The following ALAD variants were observed in gnomAD, a reference collection of about 807,000 sequenced individuals.
ALAD encodes aminolevulinate dehydratase.
ALAD carries 20 observed loss-of-function variants against 44.4 expected under a neutral mutation model. The ratio of observed to expected loss-of-function variants is 0.45; its 90% CI spans 0.32 to 0.65. The LOEUF is 0.65. Ranked by LOEUF, ALAD falls within the 30% of genes least tolerant of loss-of-function variation. The pLI is 0.05. For synonymous variants in ALAD, 156 were observed against 167.9 expected, an observed-to-expected ratio of 0.93 and a Z score of 0.55; for missense variants, 323 against 445.7, an observed-to-expected ratio of 0.72 and a Z score of 2.48.
At position 113,388,035 on chromosome 9, in the gene ALAD, A is replaced by G. The variant is rs1048184206; in HGVS notation, c.*265T>C. ...TTTCAAGCTGAAGCCACACCAGAGGAAAGAGCTGAGGGTGGCAAAGGTGGG... is the reference window on the plus strand; with the variant it reads ...TTTCAAGCTGAAGCCACACCAGAGGGAAGAGCTGAGGGTGGCAAAGGTGGG... On this transcript the variant is annotated 3_prime_UTR_variant, in exon 12 of 12. Coordinates refer to ENST00000409155, the MANE Select transcript of ALAD (RefSeq NM_000031.6). 5.8e-6 allele frequency: 3 copies of G among 513,236 alleles called. No individual in the cohort carries two copies. The highest frequency in any genetic ancestry group is 3.6e-5 in the East Asian group (1 of 27,582). The allele number at this position is 513,236 out of a possible 1,614,324, so 31.8% of individuals were successfully genotyped here. A position where few individuals can be genotyped will look rare whatever the true frequency, so the allele number is the denominator to read the frequency against.
intron 2 of ALAD, 44 bp from the exon 3 acceptor site, chr9:113,392,213 G>A (rs140442621): frequency 2.5e-6 from 4 of 1,613,678 alleles, no homozygotes; most frequent in South Asian, 1.1e-5. Context: ...CTGTGGGAAG[G>A]GCCAGTGGTG....
At chr9:113,400,534 T>C (rs1212337052) in intron 1 of ALAD, among the ~76,000 whole-genome samples, 1 of 152,154 alleles carries the variant, frequency 6.6e-6, no homozygotes, top group Non-Finnish European at 1.5e-5. Context: ...AAGAAATGAA[T>C]GGGTCAGGCC....
intron 3 of ALAD, 43 bp downstream of exon 3, chr9:113,392,076 C>G (rs1231150401): frequency 3.2e-6 from 5 of 1,539,728 alleles, no homozygotes; most frequent in Non-Finnish European, 4.4e-6. Context: ...TGTGGAATCT[C>G]TCCCTCCACC....
intron 11 of ALAD, among the ~76,000 whole-genome samples, chr9:113,388,683 A>G (rs889089623): frequency 2.6e-5 from 4 of 152,194 alleles, no homozygotes; most frequent in Non-Finnish European, 5.9e-5. Context: ...AATCCTCAGG[A>G]CAACCACGCA....
At position 113,389,775 on chromosome 9, in the gene ALAD, G is replaced by A. The variant is rs779850152; in HGVS notation, c.624C>T (p.Phe208=). The change falls in exon 8 of 12, where the codon TTC becomes TTT. Residue 208 remains phenylalanine (F), a splice_region_variant and synonymous_variant. Transcript: ENST00000409155. Reference sequence around the variant, plus strand: ...GACCCCTGCCCACCCCTGCTCACCGGAAAGGGCCATAGAAACAGGAAGCAA... The same window carrying A: ...GACCCCTGCCCACCCCTGCTCACCGAAAAGGGCCATAGAAACAGGAAGCAA... The part of the protein sequence containing the change: ...AKFASCFYGP[F]RDAAKSSPAF... 14 of 1,614,156 alleles carry A rather than the reference G, an allele frequency of 8.7e-6. No individual in the cohort carries two copies. Among genetic ancestry groups the A allele is most frequent in the Non-Finnish European group, 1.2e-5 (14 of 1,180,054 alleles).
intron 1 of ALAD, among the ~76,000 whole-genome samples, chr9:113,398,946 G>A (rs1827797785): frequency 1.3e-5 from 2 of 152,164 alleles, no homozygotes. Flanking sequence ...CAGACTGGGA[G>A]GGCACTTCTC....
At position 113,390,844 on chromosome 9, in the gene ALAD, C is replaced by T. The variant is rs1827561009; in HGVS notation, c.351G>A (p.Val117=). The T allele has an allele frequency of 3.1e-6, 5 of 1,613,822 alleles. No individual in the cohort carries two copies. The East Asian group carries it at 1.1e-4, about 36-fold the overall frequency. The change falls in exon 5 of 12, where the codon GTG becomes GTA. Residue 117 remains valine (V), a synonymous_variant. Transcript: ENST00000409155. ...LLRKTFPNLL[V]ACDVCLCPYT... Reference sequence around the variant, plus strand: ...AGGGACACAGGCAGACATCACAGGCCACCAGGAGGTTGGGGAAGGTCTTCC... The same window carrying T: ...AGGGACACAGGCAGACATCACAGGCTACCAGGAGGTTGGGGAAGGTCTTCC...
rs1253416704 is a variant in ALAD, at chr9:113,389,425, T to C, written c.801+13A>G. The C allele has an allele frequency of 2.0e-5, 33 of 1,612,706 alleles. No individual in the cohort carries two copies. The highest frequency in any genetic ancestry group is 5.0e-5 in the Admixed American group (3 of 60,006). Reference sequence around the variant, plus strand: ...AGCCCCCTGAGCCCCCTTTGCCTCGTACCTGTGCTCACCTTGTCCTTTACC... The same window carrying C: ...AGCCCCCTGAGCCCCCTTTGCCTCGCACCTGTGCTCACCTTGTCCTTTACC... On this transcript the variant is annotated intron_variant, in intron 10 of 11. Transcript: ENST00000409155.
intron 5 of ALAD, 42 bp from the exon 6 acceptor site, chr9:113,390,718 C>T: frequency 6.2e-7 from 1 of 1,604,640 alleles, no homozygotes; most frequent in Middle Eastern, 1.7e-4. Context: ...ACCTTGGGCC[C>T]TGGCCTGTCC....
In ALAD at chr9:113,389,532, A is replaced by G. The variant is rs763642979; in HGVS notation, c.715-8T>C. ...TTCCCGTACATCCCGGTCCTAAGGG[A>G]TGAGGGTATAATGTGGGTGGTGCCT... On this transcript the variant is annotated splice_region_variant and splice_polypyrimidine_tract_variant and intron_variant, in intron 9 of 11. Coordinates refer to ENST00000409155, the MANE Select transcript of ALAD (RefSeq NM_000031.6). 1.9e-6 allele frequency: 3 copies of G among 1,614,062 alleles called. No individual in the cohort carries two copies. The South Asian group carries it at 3.3e-5, about 18-fold the overall frequency.
chr9:113,391,647 T>C lies in ALAD; in HGVS notation c.165-24A>G, dbSNP rs759495380. 15 of 1,597,420 alleles carry C rather than the reference T, an allele frequency of 9.4e-6. No individual in the cohort carries two copies. The East Asian group carries it at 1.3e-4, about 14-fold the overall frequency. ...ACCTGTGTGGGTGTGGGTAGAGGGG[T>C]TGAAGGAAGGCAGGTCCCAGGCAAC... On this transcript the variant is annotated intron_variant, in intron 3 of 11. Coordinates refer to ENST00000409155, the MANE Select transcript of ALAD (RefSeq NM_000031.6).
chr9:113,389,871 C>T (rs758636742), intron 7 of ALAD, 43 bp from the exon 8 acceptor site: 7 of 1,611,170 alleles, frequency 4.3e-6, no homozygotes, highest in African/African-American at 1.3e-5. Flanking sequence ...CGGCCCTTGC[C>T]AGGTATCCCA....
intron 1 of ALAD, among the ~76,000 whole-genome samples, chr9:113,394,315 A>G (rs896239506): frequency 6.0e-5 from 9 of 148,858 alleles, no homozygotes; most frequent in Non-Finnish European, 1.3e-4. Context: ...AGGTGGCAGG[A>G]TGGCTTGAGC....
At position 113,392,229 on chromosome 9, in the gene ALAD, G is replaced by A. The variant is rs747665815; in HGVS notation, c.114-60C>T. 6 of 1,612,630 alleles carry A rather than the reference G, an allele frequency of 3.7e-6. No homozygotes were observed. In the African/African-American group the frequency reaches 4.0e-5, roughly 11 times the overall value. ...TGTGGGAAGGGCCAGTGGTGCGGGGGCGACTGAGAGGGATGGTTGGGAAGC... is the reference window on the plus strand; with the variant it reads ...TGTGGGAAGGGCCAGTGGTGCGGGGACGACTGAGAGGGATGGTTGGGAAGC... On this transcript the variant is annotated intron_variant, in intron 2 of 11. Coordinates refer to ENST00000409155, the MANE Select transcript of ALAD (RefSeq NM_000031.6).
In ALAD at chr9:113,390,502, C is replaced by A. The variant is rs1827544192; in HGVS notation, c.482-9G>T. 6.2e-7 allele frequency: 1 copy of A among 1,613,924 alleles called. No individual in the cohort carries two copies. Among genetic ancestry groups the A allele is most frequent in the South Asian group, 1.1e-5 (1 of 91,092 alleles). ...GGCTACCACCTGACATCCTGGGGGG[C>A]AGAGGGTGGCCTTCAGAACTCTGGG... On this transcript the variant is annotated splice_polypyrimidine_tract_variant and intron_variant, in intron 6 of 11. Transcript: ENST00000409155.
rs189312834 is a variant in ALAD, at chr9:113,401,032, C to A, written c.-76+180G>T. Among the ~76,000 whole-genome samples the A allele has an allele frequency of 1.6e-3, 245 of 152,270 alleles. 1 individual carries two copies. The highest frequency in any genetic ancestry group is 5.7e-3 in the African/African-American group (235 of 41,574). ...CCCGAACCCGGGCCCCCAACCTCGG[C>A]TGCAGCGGGATAATCCAGCCCAAAC... is the stretch of plus-strand genomic sequence containing the variant. On this transcript the variant is annotated intron_variant, in intron 1 of 11. Transcript: ENST00000409155.
intron 1 of ALAD, chr9:113,397,152 G>A (rs1359492640): frequency 6.6e-6 from 1 of 152,218 alleles, no homozygotes; most frequent in East Asian, 1.9e-4. Flanking sequence ...TCGAAGCCAG[G>A]TCTAATCCCT....
intron 11 of ALAD, 82 bp from the exon 12 acceptor site, chr9:113,388,443 G>T: frequency 2.3e-6 from 3 of 1,309,648 alleles, no homozygotes; most frequent in African/African-American, 1.4e-5. Context: ...AAGGCCAGGC[G>T]GGGAAGAAGG....
chr9:113,393,978 G>A (rs896123469), intron 1 of ALAD, among the ~76,000 whole-genome samples: 14 of 147,710 alleles, frequency 9.5e-5, no homozygotes, highest in African/African-American at 3.0e-4. Context: ...GGTCTCTGTC[G>A]CCCAGGCTGG....
Sources: allele counts gnomAD v4.1 joint callset (sites outside exome capture counted in the v4.1 genomes callset), GRCh38; gene constraint gnomAD v4.1.1; transcripts MANE v1.5; gene names NCBI Gene and HGNC (gene_info 2026-07-23, HGNC 2026-07-21).